Variants in NEDD4L observed in about 807,000 individuals in gnomAD.
NEDD4L encodes the protein E3 ubiquitin-protein ligase NEDD4-like.
In NEDD4L, 54 loss-of-function variants were observed where a neutral mutation model predicts 148.9. The ratio of observed to expected loss-of-function variants is 0.36; its 90% CI spans 0.29 to 0.45. NEDD4L has a LOEUF of 0.45. Ranked by LOEUF, NEDD4L falls within the 20% of genes least tolerant of loss-of-function variation. The pLI is 1.00. For synonymous variants in NEDD4L, 433 were observed against 440.7 expected (o/e 0.98, Z 0.22); for missense variants, 856 against 1,233.8 (o/e 0.69, Z 4.59).
chr18:58,389,468 G>C, intron 28 of NEDD4L: 1 of 294,064 alleles, frequency 3.4e-6, no homozygotes, highest in Non-Finnish European at 6.3e-6. Context: ...TTTATTTGAG[G>C]GACTGGTCCT....
chr18:58,297,887 C>T (rs2055884365), intron 5 of NEDD4L, among the ~76,000 whole-genome samples: 1 of 152,172 alleles, frequency 6.6e-6, no homozygotes, highest in Non-Finnish European at 1.5e-5. Context: ...GTCGCTGTCT[C>T]CGAGTCTTTT....
intron 5 of NEDD4L, among the ~76,000 whole-genome samples, chr18:58,303,287 T>C (rs1408338886): frequency 5.9e-5 from 9 of 152,162 alleles, no homozygotes; most frequent in African/African-American, 1.9e-4. Flanking sequence ...CTTATTGTTT[T>C]TGGTAGTTTG....
chr18:58,232,782 T>C (rs1435733838), intron 2 of NEDD4L, among the ~76,000 whole-genome samples: 2 of 152,140 alleles, frequency 1.3e-5, no homozygotes, highest in African/African-American at 4.8e-5. Flanking sequence ...TTAATAGACT[T>C]GAAGATAAAC....
intron 2 of NEDD4L, among the ~76,000 whole-genome samples, chr18:58,238,196 A>T (rs1471130111): frequency 6.6e-6 from 1 of 152,216 alleles, no homozygotes; most frequent in Non-Finnish European, 1.5e-5. Flanking sequence ...ATTTTAAACT[A>T]TGCTTCATAC....
At chr18:58,197,310 G>T (rs2040830918) in intron 2 of NEDD4L, among the ~76,000 whole-genome samples, 1 of 152,152 alleles carries the variant, frequency 6.6e-6, no homozygotes, top group Non-Finnish European at 1.5e-5. Flanking sequence ...TGCACGCAAG[G>T]TGATGGTTCT....
chr18:58,150,770 G>A (rs994639024), intron 1 of NEDD4L, among the ~76,000 whole-genome samples: 3 of 152,172 alleles, frequency 2.0e-5, no homozygotes, highest in Admixed American at 1.3e-4. Context: ...TCCCAGCATG[G>A]CCCACACTTG....
intron 1 of NEDD4L, among the ~76,000 whole-genome samples, chr18:58,114,795 G>C (rs60590923): frequency 0.23 from 35,457 of 152,092 alleles, 4,482 homozygotes; most frequent in Admixed American, 0.32. Context: ...AGGACATCTA[G>C]CAGCCTCAGC....
intron 26 of NEDD4L, among the ~76,000 whole-genome samples, chr18:58,387,076 C>T (rs1177518096): frequency 6.6e-6 from 1 of 152,220 alleles, no homozygotes; most frequent in Non-Finnish European, 1.5e-5. Flanking sequence ...CTGCCTCCAG[C>T]ACGTTATTTT....
At chr18:58,221,478 A>G in intron 2 of NEDD4L, 1 of 892,726 alleles carries the variant, frequency 1.1e-6, no homozygotes, top group Non-Finnish European at 1.3e-6. Flanking sequence ...GTGGAGCTTG[A>G]CGCAACCCCC....
In NEDD4L at chr18:58,390,726, A is replaced by T; in HGVS notation, c.2736A>T (p.Gly912=). 1 of 1,596,286 alleles carries T rather than the reference A, an allele frequency of 6.3e-7. No homozygotes were observed. The highest frequency in any genetic ancestry group is 8.5e-7 in the Non-Finnish European group (1 of 1,170,306). Residue 912 remains glycine, a synonymous_variant, in exon 29 of 31, where the codon GGA becomes GGT. Transcript: ENST00000400345. ...GGACATCGCGAGTACCTATGAATGGATTTGCCGAACTTTATGGTGAGCAGG... is the reference window on the plus strand; with the variant it reads ...GGACATCGCGAGTACCTATGAATGGTTTTGCCGAACTTTATGGTGAGCAGG... ...VTGTSRVPMN[G]FAELYGSNGP... is the part of the protein sequence containing the mutation.
intron 19 of NEDD4L, among the ~76,000 whole-genome samples, chr18:58,360,323 C>T (rs1462704189): frequency 1.3e-5 from 2 of 152,184 alleles, no homozygotes; most frequent in Non-Finnish European, 2.9e-5. Context: ...GTTTCTGTAA[C>T]TCCTATTGGA....
intron 12 of NEDD4L, 73 bp downstream of exon 12, chr18:58,333,965 A>G (rs2041377916): frequency 2.1e-6 from 2 of 965,378 alleles, no homozygotes; most frequent in Non-Finnish European, 3.1e-6. Context: ...GCTGCTGCAA[A>G]AAGAGTTTTT....
rs570057280 is a variant in NEDD4L, at chr18:58,401,381, A to G, written c.*5112A>G. ...ACACAGGAAGTTTTCTTGAAGAACA[A>G]TCCTTTCGCTTTTCTTTTTTCTTGA... On this transcript the variant is annotated 3_prime_UTR_variant, in exon 31 of 31. Coordinates refer to ENST00000400345, the MANE Select transcript of NEDD4L (RefSeq NM_001144967.3). The G allele has an allele frequency of 2.6e-5, 4 of 152,248 alleles. No homozygotes were observed. The highest frequency in any genetic ancestry group is 5.9e-5 in the Non-Finnish European group (4 of 68,046). 9.4% of individuals were successfully genotyped at this position (152,248 alleles called of 1,614,324 possible).
chr18:58,332,893 A>G (rs2041183324), intron 11 of NEDD4L, among the ~76,000 whole-genome samples: 1 of 152,192 alleles, frequency 6.6e-6, no homozygotes, highest in Non-Finnish European at 1.5e-5. Flanking sequence ...AAGTTAGAGG[A>G]ATATTAAGAC....
In NEDD4L at chr18:58,153,282, ATG is replaced by A. The variant is rs540017444; in HGVS notation, c.49-12503_49-12502del. ...CAGAAGCTTTGTGGAAGGATACAAA[ATG>A]TGAGGGACTGTAGTCGAAGAGATTT... On this transcript the variant is annotated intron_variant, in intron 1 of 30. Transcript: ENST00000400345. 1.1e-4 allele frequency among the ~76,000 whole-genome samples: 17 copies of A among 152,142 alleles called. 1 individual carries two copies. The South Asian group carries it at 3.5e-3, about 32-fold the overall frequency.
intron 15 of NEDD4L, among the ~76,000 whole-genome samples, chr18:58,342,377 G>A (rs529299554): frequency 3.3e-4 from 50 of 152,306 alleles, no homozygotes; most frequent in African/African-American, 1.1e-3. Context: ...GAGGTCCTAA[G>A]CTTGACTGTG....
At position 58,181,747 on chromosome 18, in the gene NEDD4L, A is replaced by G. The variant is rs149426516; in HGVS notation, c.122+15886A>G. ...AATATTGTTATATAAATAGTTGCCT[A>G]TATCCATGCTGTTTATGGTAACAGC... On this transcript the variant is annotated intron_variant, in intron 2 of 30. Transcript: ENST00000400345. 1.1e-4 allele frequency among the ~76,000 whole-genome samples: 17 copies of G among 152,348 alleles called. No homozygotes were observed. The East Asian group carries it at 3.3e-3, about 29-fold the overall frequency.
At chr18:58,076,525 G>A (rs571356047) in intron 1 of NEDD4L, among the ~76,000 whole-genome samples, 45 of 152,264 alleles carry the variant, frequency 3.0e-4, no homozygotes, top group African/African-American at 1.1e-3. Flanking sequence ...GCAGGACCAC[G>A]TTGGGAAAAG....
chr18:58,344,232 G>C (rs1411483872), intron 16 of NEDD4L, among the ~76,000 whole-genome samples: 2 of 152,208 alleles, frequency 1.3e-5, no homozygotes, highest in Non-Finnish European at 2.9e-5. Context: ...GATTTGGGCT[G>C]TCATTTTATG....
Sources: allele counts gnomAD v4.1 joint callset (sites outside exome capture counted in the v4.1 genomes callset), GRCh38; gene constraint gnomAD v4.1.1; transcripts MANE v1.5; gene names NCBI Gene and HGNC (gene_info 2026-07-23, HGNC 2026-07-21).